NTM: variants seen among roughly 807,000 people sequenced by gnomAD.
NTM encodes IgLON family member 2.
A neutral mutation model predicts 42.1 loss-of-function variants in NTM; 13 were observed. That is an observed-to-expected ratio of 0.31 (90% CI 0.20 to 0.49). The LOEUF (loss-of-function observed/expected upper bound fraction) is 0.49. Ranked by LOEUF, NTM falls within the 20% of genes least tolerant of loss-of-function variation. The pLI is 0.99. For missense variants in NTM, 373 were observed against 452.8 expected (o/e 0.82, Z 1.60); for synonymous variants, 187 against 179.2 (o/e 1.04, Z -0.35).
chr11:131,659,544 T>C (rs2067675849), intron 1 of NTM, among the ~76,000 whole-genome samples: 1 of 152,238 alleles, frequency 6.6e-6, no homozygotes, highest in African/African-American at 2.4e-5. Context: ...TTGTATTTAG[T>C]TTTACATTCA....
chr11:132,010,925 T>C (rs2072031502), intron 2 of NTM, among the ~76,000 whole-genome samples: 1 of 151,940 alleles, frequency 6.6e-6, no homozygotes, highest in South Asian at 2.1e-4. Context: ...TTAGTCTCAG[T>C]TACTTATCTG....
chr11:132,074,546 T>G (rs2058115336), intron 2 of NTM, among the ~76,000 whole-genome samples: 1 of 152,208 alleles, frequency 6.6e-6, no homozygotes, highest in Non-Finnish European at 1.5e-5. Flanking sequence ...ACAGCTTTTT[T>G]TTTTTAGGAT....
intron 1 of NTM, among the ~76,000 whole-genome samples, chr11:131,462,824 G>C (rs1449462250): frequency 6.6e-6 from 1 of 151,854 alleles, no homozygotes; most frequent in Non-Finnish European, 1.5e-5. Context: ...GCCCACCTAG[G>C]GTGGTCCACC....
chr11:131,851,801 C>T (rs1315731126), intron 1 of NTM, among the ~76,000 whole-genome samples: 2 of 151,804 alleles, frequency 1.3e-5, no homozygotes, highest in Non-Finnish European at 2.9e-5. Flanking sequence ...CAAAGCATGG[C>T]CCATAGATTA....
chr11:131,908,158 G>T (rs760732670), intron 1 of NTM, among the ~76,000 whole-genome samples: 3 of 152,134 alleles, frequency 2.0e-5, no homozygotes, highest in Admixed American at 6.5e-5. Flanking sequence ...TTCCCTTCAC[G>T]GGCAGAGACA....
At chr11:132,095,921 C>T (rs762797176) in intron 2 of NTM, among the ~76,000 whole-genome samples, 6 of 152,322 alleles carry the variant, frequency 3.9e-5, no homozygotes, top group African/African-American at 7.2e-5. Flanking sequence ...GTGTCAGCTG[C>T]GGACACTTTG....
At chr11:132,319,974 G>A (rs1007648174) in intron 7 of NTM, among the ~76,000 whole-genome samples, 27 of 152,334 alleles carry the variant, frequency 1.8e-4, no homozygotes, top group Middle Eastern at 3.4e-3. Flanking sequence ...CCCCTGTTCT[G>A]CAGCCTCCGC....
At chr11:132,010,614 T>C in intron 2 of NTM, among the ~76,000 whole-genome samples, 1 of 66,784 alleles carries the variant, frequency 1.5e-5, no homozygotes, top group East Asian at 9.7e-4. Context: ...CCATTTCTAC[T>C]GTCTTTTTTT....
rs566717589 is a variant in NTM at position 132,066,053 on chromosome 11, C to T, written c.168-80229C>T. 3.3e-5 allele frequency among the ~76,000 whole-genome samples: 5 copies of T among 152,232 alleles called. No individual in the cohort carries two copies. The South Asian group carries it at 1.0e-3, about 32-fold the overall frequency. ...CAATATTTTTAGTTCTCCATGTCTC[C>T]CATGAAGCACAATTTGAAAATCACT... On this transcript the variant is annotated intron_variant, in intron 2 of 8. Transcript: ENST00000683400.
chr11:131,540,387 A>C (rs1375027612), intron 1 of NTM: 1 of 151,988 alleles, frequency 6.6e-6, no homozygotes, highest in African/African-American at 2.4e-5. Flanking sequence ...GGCTGGTCTC[A>C]AACTCCTGAC....
At chr11:131,499,267 C>T (rs2046429346) in intron 1 of NTM, among the ~76,000 whole-genome samples, 5 of 152,146 alleles carry the variant, frequency 3.3e-5, no homozygotes, top group Admixed American at 3.3e-4. Flanking sequence ...TATCTTGTCA[C>T]TTAATAGCTA....
rs142538202 is a variant in NTM at position 131,460,197 on chromosome 11, C to T, written c.82+89309C>T. ...CTGCATGGCCCAGATGATGAATAGA[C>T]TAGGTCATGTCTTCTGATGAGGAAT... On this transcript the variant is annotated intron_variant, in intron 1 of 8. Transcript: ENST00000683400. 4.6e-5 allele frequency among the ~76,000 whole-genome samples: 7 copies of T among 152,256 alleles called. No individual in the cohort carries two copies. In the East Asian group the frequency reaches 1.4e-3, roughly 29 times the overall value.
chr11:131,467,070 T>C (rs1449882518), intron 1 of NTM, among the ~76,000 whole-genome samples: 1 of 152,176 alleles, frequency 6.6e-6, no homozygotes, highest in Non-Finnish European at 1.5e-5. Context: ...GAAGAATTGC[T>C]TCAGTAGTTT....
intron 3 of NTM, chr11:132,211,800 T>C: frequency 2.8e-6 from 1 of 361,754 alleles, no homozygotes; most frequent in Admixed American, 4.7e-5. Context: ...GTAGAATTTA[T>C]TCCCATTCGG....
chr11:131,419,909 T>C (rs966598116), intron 1 of NTM, among the ~76,000 whole-genome samples: 6 of 152,128 alleles, frequency 3.9e-5, no homozygotes, highest in Non-Finnish European at 7.3e-5. Context: ...GCACTCAGCC[T>C]GAGCCATCTG....
At chr11:131,738,585 G>A (rs970456842) in intron 1 of NTM, among the ~76,000 whole-genome samples, 2 of 152,160 alleles carry the variant, frequency 1.3e-5, no homozygotes, top group Non-Finnish European at 2.9e-5. Context: ...GGAAACTGTG[G>A]CTCCCTTCTT....
chr11:131,735,302 C>G (rs1220143524), intron 1 of NTM, among the ~76,000 whole-genome samples: 1 of 152,196 alleles, frequency 6.6e-6, no homozygotes, highest in East Asian at 1.9e-4. Flanking sequence ...CTTCATTTCC[C>G]CCATCTTCTA....
At chr11:131,986,715 A>G (rs927305731) in intron 2 of NTM, among the ~76,000 whole-genome samples, 52 of 152,190 alleles carry the variant, frequency 3.4e-4, no homozygotes, top group African/African-American at 1.2e-3. Flanking sequence ...TATTAGGAAT[A>G]TAACCTCCAT....
chr11:131,824,377 G>A (rs940912855), intron 1 of NTM, among the ~76,000 whole-genome samples: 2 of 152,170 alleles, frequency 1.3e-5, no homozygotes, highest in African/African-American at 4.8e-5. Flanking sequence ...AGCTGGCTTT[G>A]GGAACATTAG....
Sources: allele counts gnomAD v4.1 joint callset (sites outside exome capture counted in the v4.1 genomes callset), GRCh38; gene constraint gnomAD v4.1.1; transcripts MANE v1.5; gene names NCBI Gene and HGNC (gene_info 2026-07-23, HGNC 2026-07-21).